CPEB1: variants seen among roughly 807,000 people sequenced by gnomAD.
CPEB1 encodes the protein cytoplasmic polyadenylation element binding protein 1.
In CPEB1, 7 loss-of-function variants were observed where a neutral mutation model predicts 65.8. The observed-to-expected ratio is 0.11, with a 90% CI of 0.06 to 0.20. The LOEUF is 0.20. CPEB1 is among the 10% of genes least tolerant of loss of function. CPEB1 has a pLI of 1.00. For missense variants in CPEB1, 551 were observed against 712.2 expected (o/e 0.77, Z 2.58); for synonymous variants, 262 against 260.0 (o/e 1.01, Z -0.08).
intron 1 of CPEB1, among the ~76,000 whole-genome samples, chr15:82,644,308 C>A (rs1453694985): frequency 6.6e-6 from 1 of 152,190 alleles, no homozygotes; most frequent in South Asian, 2.1e-4. Context: ...CCACCAATAA[C>A]CCCTTGATCC....
intron 3 of CPEB1, among the ~76,000 whole-genome samples, chr15:82,599,272 C>T (rs915821027): frequency 5.3e-5 from 8 of 152,206 alleles, no homozygotes; most frequent in East Asian, 1.9e-4. Context: ...CTAGGCTCTT[C>T]ACTCATACCA....
At chr15:82,580,148 C>A (rs1175773563) in intron 3 of CPEB1, among the ~76,000 whole-genome samples, 2 of 150,940 alleles carry the variant, frequency 1.3e-5, no homozygotes, top group Non-Finnish European at 3.0e-5. Context: ...GGTGAAACCC[C>A]TTCTCTACTA....
intron 3 of CPEB1, among the ~76,000 whole-genome samples, chr15:82,620,184 G>A (rs914422740): frequency 3.9e-5 from 6 of 152,114 alleles, no homozygotes; most frequent in South Asian, 2.1e-4. Flanking sequence ...CAAGGCAGGC[G>A]GATCACGAGG....
chr15:82,571,365 C>T lies in CPEB1; in HGVS notation c.439G>A (p.Ala147Thr). Residue 147 changes from alanine to threonine, a missense_variant, in exon 4 of 13, where the codon GCC becomes ACC. By Grantham distance (58) the Ala-to-Thr change is moderately conservative. Transcript: ENST00000684509. ...TCACCCGAGTGTGTGCTGCTCTGGG[C>T]TGAGGAATCTGAGTCCTGGGTGCTC... ...PWSTQDSDSSAQSSTHSVLSM... is the reference protein window; with the variant it reads ...PWSTQDSDSSTQSSTHSVLSM... 6.2e-7 allele frequency: 1 copy of T among 1,613,962 alleles called. No individual in the cohort carries two copies. Among genetic ancestry groups the T allele is most frequent in the Non-Finnish European group, 8.5e-7 (1 of 1,179,924 alleles).
In CPEB1 at chr15:82,563,609, TC is replaced by T. The variant is rs1018687828; in HGVS notation, c.461-5624del. On this transcript the variant is annotated intron_variant, in intron 4 of 12. Transcript: ENST00000684509. ...CTCCTGCCTCAGCCTCCCAAAGTACTCAGGTCACAGGTGTGAGCCTCCGTGC... is the reference window on the plus strand; with the variant it reads ...CTCCTGCCTCAGCCTCCCAAAGTACTAGGTCACAGGTGTGAGCCTCCGTGC... 3.4e-4 allele frequency among the ~76,000 whole-genome samples: 52 copies of T among 151,372 alleles called. 1 individual carries two copies. The highest frequency in any genetic ancestry group is 1.2e-3 in the African/African-American group (48 of 41,156).
chr15:82,583,911 G>A (rs188203712), intron 3 of CPEB1, among the ~76,000 whole-genome samples: 1 of 152,268 alleles, frequency 6.6e-6, no homozygotes, highest in East Asian at 1.9e-4. Flanking sequence ...TCATCCTATT[G>A]ATACCAAATT....
chr15:82,586,102 A>T (rs2041779607), intron 3 of CPEB1, among the ~76,000 whole-genome samples: 3 of 152,188 alleles, frequency 2.0e-5, no homozygotes. Context: ...CAGGATACAA[A>T]AGTATGTAAG....
intron 3 of CPEB1, among the ~76,000 whole-genome samples, chr15:82,603,375 TCA>T (rs2043285616): frequency 6.9e-6 from 1 of 145,360 alleles, no homozygotes; most frequent in African/African-American, 2.5e-5. Context: ...AAAAAAAAAA[TCA>T]GAGGCAATTA....
chr15:82,637,727 G>A (rs76462944), intron 1 of CPEB1, among the ~76,000 whole-genome samples: 2 of 152,054 alleles, frequency 1.3e-5, no homozygotes, highest in Non-Finnish European at 2.9e-5. Context: ...ATTCTTACAG[G>A]ATCTCTGGAA....
intron 4 of CPEB1, among the ~76,000 whole-genome samples, chr15:82,562,640 G>C (rs1377197690): frequency 6.6e-6 from 1 of 152,050 alleles, no homozygotes; most frequent in Non-Finnish European, 1.5e-5. Flanking sequence ...AGGAGTTCAA[G>C]ACCACCCTGG....
intron 4 of CPEB1, among the ~76,000 whole-genome samples, chr15:82,570,221 T>TA (rs1161021939): frequency 6.6e-6 from 1 of 152,020 alleles, no homozygotes; most frequent in Non-Finnish European, 1.5e-5. Flanking sequence ...CAAAGCATTC[T>TA]AAAAAAAGAC....
intron 3 of CPEB1, among the ~76,000 whole-genome samples, chr15:82,599,325 A>G (rs985014921): frequency 6.6e-6 from 1 of 152,206 alleles, no homozygotes; most frequent in Non-Finnish European, 1.5e-5. Context: ...AGGTACTAGT[A>G]CTAGAGGATA....
In CPEB1 at chr15:82,612,815, C is replaced by CA. The variant is rs2044300324; in HGVS notation, c.271+14377dup. Among the ~76,000 whole-genome samples, 4 of 151,766 alleles carry CA rather than the reference C, an allele frequency of 2.6e-5. No individual in the cohort carries two copies. The South Asian group carries it at 8.3e-4, about 32-fold the overall frequency. On this transcript the variant is annotated intron_variant, in intron 3 of 12. Transcript: ENST00000684509. Reference sequence around the variant, plus strand: ...CACCACTGCACTCCAGCCTGGGCAACATAGTGAGACTCTGTCTCAAAAAAA... The same window carrying CA: ...CACCACTGCACTCCAGCCTGGGCAACAATAGTGAGACTCTGTCTCAAAAAAA...
At chr15:82,612,255 G>C (rs138050902) in intron 3 of CPEB1, among the ~76,000 whole-genome samples, 5 of 152,200 alleles carry the variant, frequency 3.3e-5, no homozygotes, top group African/African-American at 1.2e-4. Context: ...CCAGCACTTT[G>C]GAAAGCTGAG....
chr15:82,611,736 C>T (rs1379923398), intron 3 of CPEB1, among the ~76,000 whole-genome samples: 7 of 151,210 alleles, frequency 4.6e-5, no homozygotes, highest in Admixed American at 2.0e-4. Context: ...AACAAAAACA[C>T]GATGATCTAA....
intron 3 of CPEB1, among the ~76,000 whole-genome samples, chr15:82,625,831 G>C (rs1596125950): frequency 6.6e-6 from 1 of 152,156 alleles, no homozygotes; most frequent in South Asian, 2.1e-4. Context: ...TAAAACAACT[G>C]AAACAGGCCA....
intron 10 of CPEB1, chr15:82,548,642 T>C: frequency 2.3e-6 from 1 of 441,702 alleles, no homozygotes; most frequent in South Asian, 1.6e-5. Context: ...GCAGTTGAAC[T>C]GAACCTCTCC....
chr15:82,612,267 C>T (rs1228595870), intron 3 of CPEB1, among the ~76,000 whole-genome samples: 4 of 151,808 alleles, frequency 2.6e-5, no homozygotes, highest in Non-Finnish European at 5.9e-5. Context: ...AAAGCTGAGG[C>T]GGGTGGATTG....
chr15:82,557,832 A>G lies in CPEB1; in HGVS notation c.615T>C (p.Ser205=). The G allele has an allele frequency of 6.2e-7, 1 of 1,614,174 alleles. No individual in the cohort carries two copies. The highest frequency in any genetic ancestry group is 1.1e-5 in the South Asian group (1 of 91,076). Residue 205 remains serine, a synonymous_variant, in exon 5 of 13, where the codon TCT becomes TCC. Transcript: ENST00000684509. ...CTGAGTCAGAGGGGCTGCTAGATCG[A>G]GAGTCCAGGATGGGCCGGGTGTCCA... is the stretch of plus-strand genomic sequence containing the variant. ...SRLDTRPILD[S]RSSSPSDSDT...
Sources: allele counts gnomAD v4.1 joint callset (sites outside exome capture counted in the v4.1 genomes callset), GRCh38; gene constraint gnomAD v4.1.1; transcripts MANE v1.5; gene names NCBI Gene and HGNC (gene_info 2026-07-23, HGNC 2026-07-21).